BLTP2: variants seen among roughly 807,000 people sequenced by gnomAD.
BLTP2 encodes the protein U937-associated antigen.
At chr17:28,641,710 A>T in the BLTP2 span, among the ~76,000 whole-genome samples, 1 of 152,004 alleles carries the variant, frequency 6.6e-6, no homozygotes, top group Admixed American at 6.5e-5. Flanking sequence ...TGCCCACTCA[A>T]TGCTGGTTCT....
the BLTP2 span, chr17:28,619,556 AT>A: frequency 6.9e-7 from 1 of 1,450,630 alleles, no homozygotes; most frequent in South Asian, 1.2e-5. Flanking sequence ...GCCTTTGATA[AT>A]GCACACTAGA....
the BLTP2 span, chr17:28,632,371 TC>T: frequency 1.8e-5 from 12 of 663,948 alleles, no homozygotes; most frequent in Non-Finnish European, 2.8e-5. Context: ...ACATTCAGCA[TC>T]CCCAACTCCC....
chr17:28,639,709 G>A, the BLTP2 span: 2 of 1,501,466 alleles, frequency 1.3e-6, no homozygotes, highest in Non-Finnish European at 1.9e-6. Context: ...CTGGGAGAGG[G>A]TCAGAAGCCG....
the BLTP2 span, chr17:28,616,809 C>A: frequency 6.2e-7 from 1 of 1,611,576 alleles, no homozygotes; most frequent in Non-Finnish European, 8.5e-7. This position sits in a 1 kb window ranked among gnomAD's most constrained non-coding sequence, Gnocchi z 4.8. Flanking sequence ...CATCAGTTTA[C>A]CTACTCCTAA....
the BLTP2 span, chr17:28,619,545 AGCCTTTGAT>A: frequency 7.6e-7 from 1 of 1,319,524 alleles, no homozygotes; most frequent in South Asian, 1.3e-5. Context: ...CTCCTACATC[AGCCTTTGAT>A]AATGCACACT....
At chr17:28,635,544 A>G in the BLTP2 span, 35 of 1,614,086 alleles carry the variant, frequency 2.2e-5, no homozygotes, top group Non-Finnish European at 2.9e-5. Flanking sequence ...TGGCCAGGAC[A>G]TGCTGGTACA....
chr17:28,615,630 A>G, the BLTP2 span: 1 of 1,602,160 alleles, frequency 6.2e-7, no homozygotes. Context: ...TGCCAGCCCC[A>G]TTAGCCAAAC....
At chr17:28,625,705 T>C in the BLTP2 span, among the ~76,000 whole-genome samples, 1 of 152,172 alleles carries the variant, frequency 6.6e-6, no homozygotes, top group Non-Finnish European at 1.5e-5. Flanking sequence ...ATATGCATCT[T>C]AATCTTTCCA....
At chr17:28,629,660 G>T in the BLTP2 span, among the ~76,000 whole-genome samples, 5 of 152,088 alleles carry the variant, frequency 3.3e-5, no homozygotes, top group African/African-American at 1.2e-4. Flanking sequence ...GTATTTTTTA[G>T]TAAAGATGGG....
At chr17:28,618,697 A>T in the BLTP2 span, 2 of 927,672 alleles carry the variant, frequency 2.2e-6, no homozygotes, top group South Asian at 3.4e-5. Context: ...ACAATAATTA[A>T]CCCCCTTTTA....
the BLTP2 span, chr17:28,615,235 C>G: frequency 6.2e-7 from 1 of 1,605,672 alleles, no homozygotes; most frequent in African/African-American, 1.3e-5. Flanking sequence ...GCCTTAGCTT[C>G]TCTTTGATTA....
At chr17:28,618,412 C>T in the BLTP2 span, among the ~76,000 whole-genome samples, 4 of 151,908 alleles carry the variant, frequency 2.6e-5, no homozygotes, top group East Asian at 7.7e-4. Context: ...CCACGATGCC[C>T]AGCTAATTTT....
chr17:28,623,811 G>A, the BLTP2 span: 1 of 1,614,182 alleles, frequency 6.2e-7, no homozygotes, highest in East Asian at 2.2e-5. Flanking sequence ...TTTCAGTGGT[G>A]GCAAAGTACT....
At chr17:28,615,341 C>T in the BLTP2 span, 1 of 1,120,764 alleles carries the variant, frequency 8.9e-7, no homozygotes, top group Non-Finnish European at 1.3e-6. Flanking sequence ...TTATTAAACA[C>T]ATCCAAGGCA....
At chr17:28,637,216 G>A in the BLTP2 span, 1 of 1,448,894 alleles carries the variant, frequency 6.9e-7, no homozygotes, top group Non-Finnish European at 9.7e-7. Context: ...GCTCTCAAAG[G>A]GCAACAATAG....
chr17:28,636,294 C>G, the BLTP2 span, among the ~76,000 whole-genome samples: 1 of 152,212 alleles, frequency 6.6e-6, no homozygotes, highest in African/African-American at 2.4e-5. Context: ...CACCCTCCTC[C>G]TAAGAGGGTC....
chr17:28,642,058 C>G, the BLTP2 span: 1 of 1,614,050 alleles, frequency 6.2e-7, no homozygotes, highest in Non-Finnish European at 8.5e-7. Context: ...CCAGTGAAAG[C>G]TCCACTAGGC....
At chr17:28,616,064 C>G in the BLTP2 span, 15 of 1,543,220 alleles carry the variant, frequency 9.7e-6, no homozygotes, top group South Asian at 1.5e-4. The surrounding 1 kb of genome is among the most constrained non-coding windows in gnomAD (Gnocchi z 4.8). Flanking sequence ...CCCTTCCCAC[C>G]CTGTTCTACA....
At chr17:28,639,779 T>C in the BLTP2 span, 11 of 1,432,506 alleles carry the variant, frequency 7.7e-6, no homozygotes, top group South Asian at 1.1e-4. Context: ...TCTCTCAGTA[T>C]GTTCCCTCCT....
Sources: gnomAD v4.1 joint callset for allele counts (sites outside exome capture counted in the v4.1 genomes callset) on GRCh38, gnomAD v4.1.1 for gene constraint, Gnocchi (gnomAD v3.1) non-coding constraint, MANE v1.5 for transcripts, NCBI Gene and HGNC (gene_info 2026-07-23, HGNC 2026-07-21) for gene names.